Variants in CNTN4 observed in about 807,000 individuals in gnomAD.
CNTN4 encodes the protein contactin-4.
CNTN4 carries 77 observed loss-of-function variants against 122.5 expected under a neutral mutation model. The ratio of observed to expected loss-of-function variants is 0.63; its 90% CI spans 0.52 to 0.76. The LOEUF is 0.76. Ranked by LOEUF, CNTN4 falls within the 30% of genes least tolerant of loss-of-function variation. The pLI is 0.00. For missense variants in CNTN4, 1,256 were observed against 1,259.1 expected, an observed-to-expected ratio of 1.00 and a Z score of 0.04; for synonymous variants, 512 against 447.0, an observed-to-expected ratio of 1.15 and a Z score of -1.83.
At chr3:2,743,022 T>C (rs2089545614) in intron 5 of CNTN4, among the ~76,000 whole-genome samples, 1 of 152,178 alleles carries the variant, frequency 6.6e-6, no homozygotes, top group African/African-American at 2.4e-5. Flanking sequence ...ATAAAGTAGA[T>C]TAATGGACTT....
At chr3:2,366,983 A>G (rs973490870) in intron 3 of CNTN4, among the ~76,000 whole-genome samples, 4 of 152,098 alleles carry the variant, frequency 2.6e-5, no homozygotes, top group African/African-American at 7.2e-5. Context: ...TTAAGGATAT[A>G]TGTACTTTGT....
intron 3 of CNTN4, among the ~76,000 whole-genome samples, chr3:2,341,438 T>C (rs1278158212): frequency 6.6e-6 from 1 of 152,240 alleles, no homozygotes; most frequent in Non-Finnish European, 1.5e-5. Context: ...ACAGATGATG[T>C]CTTCCATAAC....
chr3:2,289,486 G>T (rs2042055658), intron 2 of CNTN4, among the ~76,000 whole-genome samples: 2 of 152,184 alleles, frequency 1.3e-5, no homozygotes, highest in Non-Finnish European at 2.9e-5. Flanking sequence ...ATGGTGCATG[G>T]CACATTTATG....
At chr3:2,825,942 A>G (rs978077561) in intron 7 of CNTN4, among the ~76,000 whole-genome samples, 1 of 152,144 alleles carries the variant, frequency 6.6e-6, no homozygotes, top group Non-Finnish European at 1.5e-5. Flanking sequence ...AGACCCAGGG[A>G]CCTTCGAACA....
intron 12 of CNTN4, among the ~76,000 whole-genome samples, chr3:2,918,156 T>A (rs753270831): frequency 1.8e-4 from 28 of 152,206 alleles, no homozygotes; most frequent in Admixed American, 1.4e-3. Context: ...AAGCAAGATA[T>A]CAGTCACTGC....
intron 6 of CNTN4, among the ~76,000 whole-genome samples, chr3:2,755,634 A>T: frequency 6.6e-6 from 1 of 152,234 alleles, no homozygotes; most frequent in East Asian, 1.9e-4. Context: ...TGTAGCTATT[A>T]TTAATAGTTT....
At chr3:2,637,615 C>T (rs1371788573) in intron 4 of CNTN4, among the ~76,000 whole-genome samples, 3 of 152,096 alleles carry the variant, frequency 2.0e-5, no homozygotes, top group Admixed American at 6.6e-5. Context: ...CTGAAGGTAC[C>T]TCTGCTGTCT....
intron 14 of CNTN4, among the ~76,000 whole-genome samples, chr3:2,989,712 T>C (rs1305899591): frequency 6.6e-6 from 1 of 152,218 alleles, no homozygotes; most frequent in Non-Finnish European, 1.5e-5. Flanking sequence ...CATCAGTGTA[T>C]GACTGACTGC....
chr3:2,794,507 C>G (rs1032587363), intron 6 of CNTN4, among the ~76,000 whole-genome samples: 1 of 152,140 alleles, frequency 6.6e-6, no homozygotes, highest in African/African-American at 2.4e-5. Context: ...TTTGCAAAAA[C>G]TGTTAACATA....
At position 2,628,386 on chromosome 3, in the gene CNTN4, A is replaced by G. The variant is rs150261557; in HGVS notation, c.55+56828A>G. Among the ~76,000 whole-genome samples the G allele has an allele frequency of 4.0e-3, 602 of 152,260 alleles. 2 individuals carry two copies. Among genetic ancestry groups the G allele is most frequent in the Admixed American group, 8.3e-3 (127 of 15,294 alleles). Reference sequence around the variant, plus strand: ...GCTGGAGTAGGACACCTTAAGGGAAATGGCTTTAGGGATCAACTTTGCTGT... The same window carrying G: ...GCTGGAGTAGGACACCTTAAGGGAAGTGGCTTTAGGGATCAACTTTGCTGT... On this transcript the variant is annotated intron_variant, in intron 4 of 24. Transcript: ENST00000418658.
intron 14 of CNTN4, among the ~76,000 whole-genome samples, chr3:2,997,666 A>C (rs1429939530): frequency 6.6e-6 from 1 of 152,200 alleles, no homozygotes; most frequent in Non-Finnish European, 1.5e-5. Flanking sequence ...CAAGTTAATT[A>C]ACATTTTCAT....
intron 8 of CNTN4, among the ~76,000 whole-genome samples, chr3:2,881,390 G>GT (rs1279072871): frequency 6.6e-6 from 1 of 152,118 alleles, no homozygotes; most frequent in African/African-American, 2.4e-5. Flanking sequence ...GCACGTGCCT[G>GT]TAGTCCCAGC....
chr3:2,878,553 C>CTGTGTGTGTG (rs60925207), intron 8 of CNTN4, among the ~76,000 whole-genome samples: 5,744 of 146,860 alleles, frequency 0.039, 132 homozygotes, highest in African/African-American at 0.064. Flanking sequence ...GAGATGCTCT[C>CTGTGTGTGTG]TGTGTGTGTG....
intron 2 of CNTN4, among the ~76,000 whole-genome samples, chr3:2,256,717 G>T (rs1011360011): frequency 6.6e-6 from 1 of 152,022 alleles, no homozygotes; most frequent in African/African-American, 2.4e-5. Flanking sequence ...AAATACCTAG[G>T]AATACAACTT....
In CNTN4 at chr3:2,500,943, G is replaced by A. The variant is rs145887476; in HGVS notation, c.-88-70473G>A. Among the ~76,000 whole-genome samples the A allele has an allele frequency of 5.7e-3, 862 of 151,788 alleles. 6 individuals carry two copies. The highest frequency in any genetic ancestry group is 0.02 in the African/African-American group (825 of 41,370). ...TTTCAAGTCCTCTTTTTTCCCCCCCGCACAATGTATAGATTGTTAAAATTG... is the reference window on the plus strand; with the variant it reads ...TTTCAAGTCCTCTTTTTTCCCCCCCACACAATGTATAGATTGTTAAAATTG... On this transcript the variant is annotated intron_variant, in intron 3 of 24. Coordinates refer to ENST00000418658, the MANE Select transcript of CNTN4 (RefSeq NM_175607.3).
At chr3:3,012,916 C>T (rs1294207120) in intron 14 of CNTN4, among the ~76,000 whole-genome samples, 2 of 151,572 alleles carry the variant, frequency 1.3e-5, no homozygotes, top group African/African-American at 2.4e-5. Context: ...TGCTGTGAGC[C>T]GAGACTGTGC....
At chr3:3,009,097 C>A in intron 14 of CNTN4, 1 of 910,982 alleles carries the variant, frequency 1.1e-6, no homozygotes, top group African/African-American at 1.8e-5. Context: ...TAGGGAAGTA[C>A]CATGCCTTGC....
chr3:2,840,524 C>T lies in CNTN4; in HGVS notation c.454+20943C>T, dbSNP rs1000195932. On this transcript the variant is annotated intron_variant, in intron 7 of 24. Transcript: ENST00000418658. ...GACCATCCTGGCTAACACGGTGAAA[C>T]CCCGTCTCTACTAAAAATACAAAAA... Among the ~76,000 whole-genome samples, 368 of 98,140 alleles carry T rather than the reference C, an allele frequency of 3.7e-3. 6 individuals carry two copies. The highest frequency in any genetic ancestry group is 9.8e-3 in the African/African-American group (317 of 32,286). The allele number at this position is 98,140 out of a possible 152,430, so 64.4% of individuals were successfully genotyped here.
intron 24 of CNTN4, among the ~76,000 whole-genome samples, chr3:3,054,254 G>T (rs1236064695): frequency 6.6e-6 from 1 of 152,178 alleles, no homozygotes; most frequent in Non-Finnish European, 1.5e-5. Flanking sequence ...TGTGTAGTTT[G>T]CATTGCATCT....
Sources: allele counts gnomAD v4.1 joint callset (sites outside exome capture counted in the v4.1 genomes callset), GRCh38; gene constraint gnomAD v4.1.1; transcripts MANE v1.5; gene names NCBI Gene and HGNC (gene_info 2026-07-23, HGNC 2026-07-21).